The following RAB31 variants were observed in gnomAD, a reference collection of about 807,000 sequenced individuals.
The protein encoded by RAB31 is ras-related protein Rab-31.
In RAB31, 21 loss-of-function variants were observed where a neutral mutation model predicts 25.6. The observed-to-expected ratio is 0.82, with a 90% CI of 0.58 to 1.18. The LOEUF is 1.18. Ranked by LOEUF, RAB31 falls within the 50% of genes most tolerant of loss-of-function variation. The probability of loss-of-function intolerance (pLI) is 0.00; values close to 1 mark genes in which losing one functional copy is unlikely to be tolerated. For synonymous variants in RAB31, 87 were observed against 84.0 expected (o/e 1.04, Z -0.20); for missense variants, 196 against 250.1 (o/e 0.78, Z 1.46).
At chr18:9,818,361 T>C (rs2068609538) in intron 5 of RAB31, among the ~76,000 whole-genome samples, 1 of 152,210 alleles carries the variant, frequency 6.6e-6, no homozygotes, top group African/African-American at 2.4e-5. Flanking sequence ...TGCCCATTTA[T>C]ACTCGCTCTC....
intron 1 of RAB31, among the ~76,000 whole-genome samples, chr18:9,770,553 G>T (rs2145488239): frequency 6.6e-6 from 1 of 152,332 alleles, no homozygotes; most frequent in South Asian, 2.1e-4. Flanking sequence ...CATTTCCCAG[G>T]AAGTAGATGG....
intron 1 of RAB31, among the ~76,000 whole-genome samples, chr18:9,754,071 G>C (rs1305449561): frequency 6.6e-6 from 1 of 152,144 alleles, no homozygotes; most frequent in African/African-American, 2.4e-5. Context: ...CTGCCACTCT[G>C]CGTCATGAAG....
chr18:9,823,075 A>G (rs1023602764), intron 5 of RAB31, among the ~76,000 whole-genome samples: 1 of 152,234 alleles, frequency 6.6e-6, no homozygotes, highest in African/African-American at 2.4e-5. Context: ...ACTACTACTC[A>G]GCACTAAAAG....
At chr18:9,836,388 T>C (rs1049840646) in intron 5 of RAB31, among the ~76,000 whole-genome samples, 2 of 151,728 alleles carry the variant, frequency 1.3e-5, no homozygotes, top group African/African-American at 4.9e-5. Flanking sequence ...CTCTTCTTTT[T>C]ATTTTTATTT....
chr18:9,783,272 G>A (rs2298503), intron 2 of RAB31, among the ~76,000 whole-genome samples: 1 of 151,964 alleles, frequency 6.6e-6, no homozygotes, highest in South Asian at 2.1e-4. Context: ...TTACGGGCTG[G>A]TTCATTGAGT....
At chr18:9,836,865 G>A (rs893803179) in intron 5 of RAB31, among the ~76,000 whole-genome samples, 1 of 151,654 alleles carries the variant, frequency 6.6e-6, no homozygotes, top group Admixed American at 6.6e-5. Flanking sequence ...GTCAGTGTGT[G>A]AGGCATGGGG....
chr18:9,809,066 G>A (rs891206869), intron 3 of RAB31, among the ~76,000 whole-genome samples: 3 of 152,150 alleles, frequency 2.0e-5, no homozygotes, highest in Non-Finnish European at 4.4e-5. Context: ...GCGCGCGCAC[G>A]CGTGGGTGTG....
chr18:9,762,706 G>A (rs1454351489), intron 1 of RAB31, among the ~76,000 whole-genome samples: 2 of 152,170 alleles, frequency 1.3e-5, no homozygotes, highest in Non-Finnish European at 2.9e-5. Context: ...AACTGAAGGA[G>A]TTATGGAACT....
intron 3 of RAB31, among the ~76,000 whole-genome samples, chr18:9,794,579 G>A (rs555056932): frequency 2.0e-5 from 3 of 152,296 alleles, no homozygotes; most frequent in African/African-American, 7.2e-5. Context: ...CACTTTGGGA[G>A]GCTGAGATGA....
chr18:9,810,100 C>T (rs551589306), intron 3 of RAB31, among the ~76,000 whole-genome samples: 2 of 152,248 alleles, frequency 1.3e-5, no homozygotes, highest in Non-Finnish European at 1.5e-5. Flanking sequence ...TTCCCTGTGC[C>T]GTTTCTAAAT....
chr18:9,806,829 T>A (rs545942561), intron 3 of RAB31, among the ~76,000 whole-genome samples: 1 of 152,196 alleles, frequency 6.6e-6, no homozygotes, highest in African/African-American at 2.4e-5. Context: ...GTGGTGATCT[T>A]GAAGTCAGGG....
At chr18:9,777,058 T>A (rs2068375739) in intron 2 of RAB31, among the ~76,000 whole-genome samples, 1 of 152,032 alleles carries the variant, frequency 6.6e-6, no homozygotes, top group Non-Finnish European at 1.5e-5. Context: ...AAAATATATA[T>A]CCACCGGAAG....
At chr18:9,834,838 A>G (rs2068696325) in intron 5 of RAB31, among the ~76,000 whole-genome samples, 1 of 152,192 alleles carries the variant, frequency 6.6e-6, no homozygotes, top group African/African-American at 2.4e-5. Flanking sequence ...CACTTCACAT[A>G]CTGCCCAGAA....
intron 5 of RAB31, among the ~76,000 whole-genome samples, chr18:9,816,780 G>T (rs1228576393): frequency 6.6e-6 from 1 of 152,148 alleles, no homozygotes; most frequent in Admixed American, 6.5e-5. Context: ...GCGAATTTGT[G>T]GTATCTCCAT....
intron 1 of RAB31, among the ~76,000 whole-genome samples, chr18:9,772,998 C>T (rs1007740850): frequency 6.6e-6 from 1 of 152,176 alleles, no homozygotes; most frequent in Non-Finnish European, 1.5e-5. Flanking sequence ...ATTGGCATCT[C>T]AGGAGCTGAT....
chr18:9,807,697 G>T (rs1347974179), intron 3 of RAB31, among the ~76,000 whole-genome samples: 1 of 151,962 alleles, frequency 6.6e-6, no homozygotes, highest in Admixed American at 6.6e-5. Flanking sequence ...AATCCAGCGG[G>T]GTGCAGTGGC....
chr18:9,830,006 A>ATATTATTATTAATAT (rs559716410), intron 5 of RAB31, among the ~76,000 whole-genome samples: 27 of 150,630 alleles, frequency 1.8e-4, no homozygotes, highest in South Asian at 6.3e-4. Context: ...CTTTTAAAAA[A>ATATTATTATTAATAT]TATTATTATT....
rs2068840774 is a variant in RAB31, at chr18:9,860,319, T to G, written c.*994T>G. On this transcript the variant is annotated 3_prime_UTR_variant, in exon 7 of 7. Coordinates refer to ENST00000578921, the MANE Select transcript of RAB31 (RefSeq NM_006868.4). ...TTACAGGAAAGCCAGCCAGAGGAAG[T>G]GTCAGCACTTTAAAATTCTAGACCC... 3 of 152,196 alleles carry G rather than the reference T, an allele frequency of 2.0e-5. No individual in the cohort carries two copies. In the South Asian group the frequency reaches 6.2e-4, roughly 31 times the overall value. 9.4% of individuals were successfully genotyped at this position (152,196 alleles called of 1,614,324 possible).
chr18:9,708,457 C>A lies in RAB31; in HGVS notation c.39+13C>A. On this transcript the variant is annotated intron_variant, in intron 1 of 6. Transcript: ENST00000578921. The surrounding 1 kb of genome is among the most constrained non-coding windows in gnomAD (Gnocchi z 6.4). ...GTGCCTTCTCGGGGTGAGTCCTGGC[C>A]GCCACCCGCCGGCGGACCCCGGCCC... 1 of 1,556,674 alleles carries A rather than the reference C, an allele frequency of 6.4e-7. No individual in the cohort carries two copies. Among genetic ancestry groups the A allele is most frequent in the Admixed American group, 1.9e-5 (1 of 52,174 alleles).
Sources: allele counts gnomAD v4.1 joint callset (sites outside exome capture counted in the v4.1 genomes callset), GRCh38; gene constraint gnomAD v4.1.1; non-coding constraint Gnocchi (gnomAD v3.1); transcripts MANE v1.5; gene names NCBI Gene and HGNC (gene_info 2026-07-23, HGNC 2026-07-21).